Variants in TEX14 observed in about 807,000 individuals in gnomAD.
TEX14 encodes inactive serine/threonine-protein kinase TEX14.
A neutral mutation model predicts 178.6 loss-of-function variants in TEX14; 168 were observed. That is an observed-to-expected ratio of 0.94 (90% CI 0.83 to 1.07). The LOEUF (loss-of-function observed/expected upper bound fraction) is 1.07. Among genes scored for constraint, TEX14 ranks in the 50% least tolerant of loss-of-function variants. TEX14 has a pLI of 0.00. For synonymous variants in TEX14, 626 were observed against 634.1 expected (o/e 0.99, Z 0.19); for missense variants, 1,730 against 1,753.6 (o/e 0.99, Z 0.24).
At position 58,658,380 on chromosome 17, in the gene TEX14, G is replaced by C. The variant is rs114264040; in HGVS notation, c.-1-6378C>G. Among the ~76,000 whole-genome samples, 741 of 142,660 alleles carry C rather than the reference G, an allele frequency of 5.2e-3. 4 individuals are homozygous for C. Among genetic ancestry groups the C allele is most frequent in the African/African-American group, 0.018 (689 of 37,912 alleles). The allele number at this position is 142,660 out of a possible 152,430, so 93.6% of individuals were successfully genotyped here. A position where few individuals can be genotyped will look rare whatever the true frequency, so the allele number is the denominator to read the frequency against. On this transcript the variant is annotated intron_variant, in intron 1 of 31. Transcript: ENST00000349033. Reference sequence around the variant, plus strand: ...ACCTGTACCAGTGTGTACCACCTGTGCACCGGCTTTTTTTTTTTTTTTTTT... The same window carrying C: ...ACCTGTACCAGTGTGTACCACCTGTCCACCGGCTTTTTTTTTTTTTTTTTT...
intron 2 of TEX14, among the ~76,000 whole-genome samples, chr17:58,643,238 C>T (rs994607114): frequency 3.9e-5 from 6 of 152,156 alleles, no homozygotes; most frequent in African/African-American, 1.4e-4. Context: ...CAGTGAGGTA[C>T]CTGTCAGCAG....
In TEX14 at chr17:58,577,142, C is replaced by T. The variant is rs1008491177; in HGVS notation, c.3320+233G>A. On this transcript the variant is annotated intron_variant, in intron 21 of 31. Coordinates refer to ENST00000349033, the MANE Select transcript of TEX14 (RefSeq NM_031272.5). ...GAAAATAGAATAGAGGGGTTGAGAA[C>T]CTTGACAAGGTCACATGAACAGAAA... Among the ~76,000 whole-genome samples the T allele has an allele frequency of 2.0e-5, 3 of 152,142 alleles. No individual in the cohort carries two copies. The South Asian group carries it at 6.2e-4, about 31-fold the overall frequency.
In TEX14 at chr17:58,679,427, C is replaced by T. The variant is rs141839411; in HGVS notation, c.-2+12512G>A. ...GGAGAAAAAAATGACCATTAGAAGG[C>T]ATCAATCTCTCGCTATTCCAAAACA... is the stretch of plus-strand genomic sequence containing the variant. On this transcript the variant is annotated intron_variant, in intron 1 of 31. Transcript: ENST00000349033. 4.2e-5 allele frequency: 6 copies of T among 141,452 alleles called. No homozygotes were observed. The South Asian group carries it at 1.1e-3, about 25-fold the overall frequency. The allele number at this position is 141,452 out of a possible 1,614,324, so 8.8% of individuals were successfully genotyped here. A position where few individuals can be genotyped will look rare whatever the true frequency, so the allele number is the denominator to read the frequency against.
intron 1 of TEX14, among the ~76,000 whole-genome samples, chr17:58,671,709 T>C (rs2047306958): frequency 6.6e-6 from 1 of 152,220 alleles, no homozygotes; most frequent in Non-Finnish European, 1.5e-5. Flanking sequence ...TGGATTTCTC[T>C]TTTTGCTAGA....
intron 2 of TEX14, among the ~76,000 whole-genome samples, chr17:58,637,856 C>CT (rs58823773): frequency 0.18 from 24,715 of 135,634 alleles, 2,254 homozygotes; most frequent in Non-Finnish European, 0.21. Context: ...AACCTACTGC[C>CT]TTTTTTTTTT....
At chr17:58,653,868 A>G (rs909026420) in intron 1 of TEX14, among the ~76,000 whole-genome samples, 3 of 152,172 alleles carry the variant, frequency 2.0e-5, no homozygotes, top group African/African-American at 7.2e-5. Context: ...TGATGAATGC[A>G]TATGTTAAAC....
In TEX14 at chr17:58,572,109, C is replaced by T; in HGVS notation, c.3529G>A (p.Ala1177Thr). 6.2e-7 allele frequency: 1 copy of T among 1,607,482 alleles called. No homozygotes were observed. Among genetic ancestry groups the T allele is most frequent in the East Asian group, 2.2e-5 (1 of 44,704 alleles). ...PLSPGSVSSAASQYKDCLESI... is the reference protein window; with the variant it reads ...PLSPGSVSSATSQYKDCLESI... Reference sequence around the variant, plus strand: ...TCAAGGCAGTCTTTATACTGACTGGCAGCTGAAGAAACGGACCCTGTTGGA... The same window carrying T: ...TCAAGGCAGTCTTTATACTGACTGGTAGCTGAAGAAACGGACCCTGTTGGA... Residue 1177 changes from alanine (A) to threonine (T), a missense_variant, in exon 24 of 32, where the codon GCC becomes ACC. Ala to Thr is a moderately conservative substitution (Grantham distance 58, BLOSUM62 0). Coordinates refer to ENST00000349033, the MANE Select transcript of TEX14 (RefSeq NM_031272.5).
intron 3 of TEX14, among the ~76,000 whole-genome samples, chr17:58,626,953 G>T (rs765684850): frequency 6.6e-6 from 1 of 151,922 alleles, no homozygotes; most frequent in Non-Finnish European, 1.5e-5. Context: ...TTTTTTTCCC[G>T]GTACCTCTAT....
At chr17:58,650,103 G>C (rs757307961) in intron 2 of TEX14, among the ~76,000 whole-genome samples, 6 of 151,934 alleles carry the variant, frequency 3.9e-5, no homozygotes, top group African/African-American at 7.3e-5. Flanking sequence ...TGTTGCCCAG[G>C]CTGGAGTGCA....
intron 11 of TEX14, among the ~76,000 whole-genome samples, chr17:58,603,943 G>GTGTGTC (rs1201202680): frequency 8.6e-6 from 1 of 116,008 alleles, no homozygotes; most frequent in African/African-American, 3.1e-5. Flanking sequence ...GTGTGTGTGT[G>GTGTGTC]TGTCTTTCTT....
Position 58,616,300 on chromosome 17 carries a change from A to G in TEX14, c.642T>C (p.Tyr214=). 17 of 1,612,580 alleles carry G rather than the reference A, an allele frequency of 1.1e-5. No homozygotes were observed. Among genetic ancestry groups the G allele is most frequent in the Non-Finnish European group, 1.4e-5 (17 of 1,179,522 alleles). ...AGGCCATCTGTGTCGCCCCAGTAAG[A>G]TAAAACTGAAACCAAGGCATAGCCT... The part of the protein sequence containing the change: ...NIYSFGFGKF[Y]LTGATQMAYL... The change falls in exon 7 of 32, where the codon TAT becomes TAC. Residue 214 remains tyrosine (Y), a synonymous_variant. Coordinates refer to ENST00000349033, the MANE Select transcript of TEX14 (RefSeq NM_031272.5).
At chr17:58,671,622 G>A (rs2047305070) in intron 1 of TEX14, among the ~76,000 whole-genome samples, 1 of 152,042 alleles carries the variant, frequency 6.6e-6, no homozygotes, top group Non-Finnish European at 1.5e-5. Flanking sequence ...TTCTAAGGAT[G>A]GCCAATGTCC....
intron 1 of TEX14, among the ~76,000 whole-genome samples, chr17:58,688,766 T>C (rs911481015): frequency 3.3e-5 from 5 of 152,110 alleles, no homozygotes; most frequent in Non-Finnish European, 7.4e-5. Flanking sequence ...AATTTTTTCA[T>C]GAAGTAACCT....
At chr17:58,686,861 C>T (rs1053620536) in intron 1 of TEX14, among the ~76,000 whole-genome samples, 53 of 71,540 alleles carry the variant, frequency 7.4e-4, no homozygotes, top group African/African-American at 2.9e-3. Flanking sequence ...GAAAGGTCAC[C>T]TTTTTTTTTT....
chr17:58,630,331 T>C lies in TEX14; in HGVS notation c.251+109A>G, dbSNP rs2046257965. 15 of 763,420 alleles carry C rather than the reference T, an allele frequency of 2.0e-5. No individual in the cohort carries two copies. In the East Asian group the frequency reaches 3.0e-4, roughly 15 times the overall value. 47.3% of individuals were successfully genotyped at this position (763,420 alleles called of 1,614,324 possible). ...TTGGCCTCCCAAAGTGCTGGGATTA[T>C]AGGTATGAGACACCGCACCCGGCCA... On this transcript the variant is annotated intron_variant, in intron 3 of 31. Transcript: ENST00000349033.
intron 9 of TEX14, 86 bp downstream of exon 9, chr17:58,613,335 T>C: frequency 1.3e-6 from 2 of 1,525,578 alleles, no homozygotes; most frequent in Middle Eastern, 1.9e-4. Flanking sequence ...CATGCAGAAA[T>C]GGGATCACCA....
intron 1 of TEX14, among the ~76,000 whole-genome samples, chr17:58,677,890 G>A (rs1435230950): frequency 1.3e-5 from 2 of 152,220 alleles, no homozygotes; most frequent in African/African-American, 2.4e-5. Context: ...GGTGGCTCAC[G>A]CCTGTAATCC....
rs1434500846 is a variant in TEX14, at chr17:58,599,272, A to G, written c.2073T>C (p.Asp691=). Residue 691 remains aspartate (D), a synonymous_variant, in exon 14 of 32, where the codon GAT becomes GAC. Coordinates refer to ENST00000349033, the MANE Select transcript of TEX14 (RefSeq NM_031272.5). ...GTGAACCGTTTTGCCAGTCCCAGTC[A>G]TCAAAAGAGTACTCTGTCTCAGCTT... The part of the protein sequence containing the change: ...SSKAETEYSF[D]DWDWQNGSLS... The G allele has an allele frequency of 1.9e-6, 3 of 1,613,554 alleles. No homozygotes were observed. In the Admixed American group the frequency reaches 5.0e-5, roughly 27 times the overall value.
At chr17:58,607,012 CAAAAAA>C (rs35155837) in intron 10 of TEX14, among the ~76,000 whole-genome samples, 2 of 92,616 alleles carry the variant, frequency 2.2e-5, no homozygotes, top group Admixed American at 1.2e-4. Context: ...GCTACTGTCT[CAAAAAA>C]AAAAAAAAAA....
Sources: gnomAD v4.1 joint callset for allele counts (sites outside exome capture counted in the v4.1 genomes callset) on GRCh38, gnomAD v4.1.1 for gene constraint, MANE v1.5 for transcripts, NCBI Gene and HGNC (gene_info 2026-07-23, HGNC 2026-07-21) for gene names.